RUNX2: variants seen among roughly 807,000 people sequenced by gnomAD.
RUNX2 encodes RUNX family transcription factor 2, also known as runt-related transcription factor 2.
In RUNX2, 10 loss-of-function variants were observed where a neutral mutation model predicts 51.7. That is an observed-to-expected ratio of 0.19 (90% CI 0.12 to 0.33). The LOEUF is 0.33. Among genes scored for constraint, RUNX2 ranks in the 10% least tolerant of loss-of-function variants. The probability of loss-of-function intolerance (pLI) is 1.00; values close to 1 mark genes in which losing one functional copy is unlikely to be tolerated. For missense variants in RUNX2, 562 were observed against 691.3 expected, an observed-to-expected ratio of 0.81 and a Z score of 2.10; for synonymous variants, 276 against 273.6, an observed-to-expected ratio of 1.01 and a Z score of -0.09.
At chr6:45,359,726 A>C (rs1254500331) in intron 2 of RUNX2, among the ~76,000 whole-genome samples, 2 of 152,208 alleles carry the variant, frequency 1.3e-5, no homozygotes, top group Non-Finnish European at 2.9e-5. Flanking sequence ...AGATATAGGA[A>C]ACTGCAACAA....
Position 45,546,911 on chromosome 6 carries a change from G to A in RUNX2, c.1172G>A (p.Arg391Gln), listed in dbSNP as rs780524636. Reference sequence around the variant, plus strand: ...ACTGAGAGCCGCTTCTCCAACCCACGAATGCACTATCCAGCCACCTTTACT... The same window carrying A: ...ACTGAGAGCCGCTTCTCCAACCCACAAATGCACTATCCAGCCACCTTTACT... ...SLTESRFSNP[R>Q]MHYPATFTYT... The change falls in exon 9 of 9, where the codon CGA (arginine) becomes CAA (glutamine). Residue 391 changes from arginine (R) to glutamine (Q), a missense_variant. Physicochemically the swap from Arg to Gln is conservative, Grantham distance 43 (BLOSUM62 1). Transcript: ENST00000647337. 6 of 1,613,658 alleles carry A rather than the reference G, an allele frequency of 3.7e-6. No individual in the cohort carries two copies. Among genetic ancestry groups the A allele is most frequent in the Non-Finnish European group, 1.7e-6 (2 of 1,179,966 alleles).
chr6:45,410,844 G>A lies in RUNX2; in HGVS notation c.59-11749G>A, dbSNP rs547920697. On this transcript the variant is annotated intron_variant, in intron 2 of 8. Coordinates refer to ENST00000647337, the MANE Select transcript of RUNX2 (RefSeq NM_001024630.4). ...GCATATTGGACATGCTGACCTTGAAGGGTTTATGGAATGTTTAGATGGAAA... is the reference window on the plus strand; with the variant it reads ...GCATATTGGACATGCTGACCTTGAAAGGTTTATGGAATGTTTAGATGGAAA... Among the ~76,000 whole-genome samples the A allele has an allele frequency of 6.6e-5, 10 of 152,310 alleles. No homozygotes were observed. The South Asian group carries it at 2.1e-3, about 32-fold the overall frequency.
chr6:45,506,282 C>T (rs912356822), intron 6 of RUNX2, among the ~76,000 whole-genome samples: 7 of 152,190 alleles, frequency 4.6e-5, no homozygotes, highest in Non-Finnish European at 7.3e-5. Context: ...TCTGTGAGTA[C>T]AGCAGACCCA....
At chr6:45,412,807 C>A (rs892186143) in intron 2 of RUNX2, among the ~76,000 whole-genome samples, 7 of 152,050 alleles carry the variant, frequency 4.6e-5, no homozygotes, top group Non-Finnish European at 8.8e-5. Context: ...TGCAGTGGCA[C>A]AATCTCGGCT....
At chr6:45,372,241 G>T (rs1488618577) in intron 2 of RUNX2, among the ~76,000 whole-genome samples, 1 of 152,188 alleles carries the variant, frequency 6.6e-6, no homozygotes, top group Non-Finnish European at 1.5e-5. Context: ...CTAAAATGGA[G>T]ATTAAAATTA....
At chr6:45,341,143 C>G (rs139241694) in intron 2 of RUNX2, among the ~76,000 whole-genome samples, 6 of 152,272 alleles carry the variant, frequency 3.9e-5, no homozygotes, top group Non-Finnish European at 8.8e-5. Context: ...ATTTTAACCA[C>G]AATTATCCAC....
chr6:45,400,522 C>T (rs1277514201), intron 2 of RUNX2, among the ~76,000 whole-genome samples: 1 of 152,094 alleles, frequency 6.6e-6, no homozygotes, highest in East Asian at 1.9e-4. Context: ...GGCTTAAATC[C>T]CTATTCACAC....
At chr6:45,542,663 A>G (rs1403860781) in intron 7 of RUNX2, among the ~76,000 whole-genome samples, 1 of 152,270 alleles carries the variant, frequency 6.6e-6, no homozygotes, top group Non-Finnish European at 1.5e-5. Context: ...GGCAACACTT[A>G]GGCAGTAGAA....
intron 2 of RUNX2, among the ~76,000 whole-genome samples, chr6:45,344,363 A>C (rs1269582339): frequency 6.6e-6 from 1 of 151,676 alleles, no homozygotes; most frequent in Non-Finnish European, 1.5e-5. Flanking sequence ...CTTAAAACTG[A>C]CTTGCCCTTA....
intron 2 of RUNX2, among the ~76,000 whole-genome samples, chr6:45,353,809 T>C (rs9472465): frequency 0.18 from 27,212 of 151,078 alleles, 3,789 homozygotes; most frequent in African/African-American, 0.39. Flanking sequence ...TATACAAACC[T>C]TAAGGCAACC....
chr6:45,355,312 G>C (rs1394264424), intron 2 of RUNX2, among the ~76,000 whole-genome samples: 1 of 151,944 alleles, frequency 6.6e-6, no homozygotes, highest in East Asian at 1.9e-4. Context: ...TGTTAATTAT[G>C]AACTTTCTGT....
intron 5 of RUNX2, among the ~76,000 whole-genome samples, chr6:45,468,715 T>G (rs946996771): frequency 1.3e-5 from 2 of 152,198 alleles, no homozygotes; most frequent in African/African-American, 2.4e-5. Flanking sequence ...TACTTGAATG[T>G]CTGGTGTATG....
intron 7 of RUNX2, among the ~76,000 whole-genome samples, chr6:45,527,837 T>G (rs1801718242): frequency 6.6e-6 from 1 of 152,188 alleles, no homozygotes; most frequent in South Asian, 2.1e-4. Context: ...TTTAGTACAA[T>G]GATGTACAAT....
chr6:45,543,770 A>G (rs906600489), intron 7 of RUNX2, among the ~76,000 whole-genome samples: 1 of 152,134 alleles, frequency 6.6e-6, no homozygotes, highest in African/African-American at 2.4e-5. Context: ...AGAAAACCTG[A>G]GTTCATGTAC....
At chr6:45,459,554 C>T (rs567484505) in intron 5 of RUNX2, among the ~76,000 whole-genome samples, 2 of 152,266 alleles carry the variant, frequency 1.3e-5, no homozygotes, top group East Asian at 1.9e-4. Context: ...GTATTCAATT[C>T]GGCTATCACA....
chr6:45,467,605 C>T (rs1213190311), intron 5 of RUNX2, among the ~76,000 whole-genome samples: 1 of 152,006 alleles, frequency 6.6e-6, no homozygotes, highest in African/African-American at 2.4e-5. Context: ...AGAACCGCCA[C>T]CCCCACCGCC....
In RUNX2 at chr6:45,550,204, A is replaced by C. The variant is rs1802524620; in HGVS notation, c.*2899A>C. 6.5e-6 allele frequency: 1 copy of C among 152,686 alleles called. No homozygotes were observed. Among genetic ancestry groups the C allele is most frequent in the Middle Eastern group, 3.4e-3 (1 of 294 alleles). The allele number at this position is 152,686 out of a possible 1,614,324, so 9.5% of individuals were successfully genotyped here. On this transcript the variant is annotated 3_prime_UTR_variant, in exon 9 of 9. Coordinates refer to ENST00000647337, the MANE Select transcript of RUNX2 (RefSeq NM_001024630.4). ...ATGCAGCCACATTTTTATCCATTTCAGTTGTCTCACAAATTTTAACCCATA... is the reference window on the plus strand; with the variant it reads ...ATGCAGCCACATTTTTATCCATTTCCGTTGTCTCACAAATTTTAACCCATA...
intron 2 of RUNX2, among the ~76,000 whole-genome samples, chr6:45,385,848 G>A (rs4312986): frequency 5.3e-5 from 8 of 152,060 alleles, no homozygotes; most frequent in South Asian, 2.1e-4. Flanking sequence ...TGTGTTGAGC[G>A]AAGATCGCAC....
intron 6 of RUNX2, among the ~76,000 whole-genome samples, chr6:45,498,308 A>T (rs1448137990): frequency 6.6e-6 from 1 of 152,200 alleles, no homozygotes; most frequent in Non-Finnish European, 1.5e-5. Context: ...TGATTCTTGG[A>T]GAAATGACTT....
Sources: allele counts gnomAD v4.1 joint callset (sites outside exome capture counted in the v4.1 genomes callset), GRCh38; gene constraint gnomAD v4.1.1; transcripts MANE v1.5; gene names NCBI Gene and HGNC (gene_info 2026-07-23, HGNC 2026-07-21).